BAHCC1: variants seen among roughly 807,000 people sequenced by gnomAD.
The protein encoded by BAHCC1 is BAH and coiled-coil domain-containing protein 1.
A neutral mutation model predicts 88.2 loss-of-function variants in BAHCC1; 43 were observed. The observed-to-expected ratio is 0.49, with a 90% CI of 0.38 to 0.63. The LOEUF (loss-of-function observed/expected upper bound fraction) is 0.63. BAHCC1 is among the 20% of genes least tolerant of loss of function. The probability of loss-of-function intolerance (pLI) is 0.00; values close to 1 mark genes in which losing one functional copy is unlikely to be tolerated. For missense variants in BAHCC1, 3,023 were observed against 1,654.8 expected, an observed-to-expected ratio of 1.83 and a Z score of -14.34; for synonymous variants, 1,510 against 745.5, an observed-to-expected ratio of 2.03 and a Z score of -16.71.
chr17:81,417,270 G>T lies in BAHCC1; in HGVS notation c.179-9530G>T, dbSNP rs868911288. 2.4e-4 allele frequency among the ~76,000 whole-genome samples: 37 copies of T among 152,280 alleles called. No individual in the cohort carries two copies. In the Middle Eastern group the frequency reaches 0.014, roughly 56 times the overall value. On this transcript the variant is annotated intron_variant, in intron 2 of 27. Coordinates refer to ENST00000675386, the MANE Select transcript of BAHCC1 (RefSeq NM_001377448.1). Reference sequence around the variant, plus strand: ...GAGGAGACTCATCCAGCTGCGGGGGGCGGCGCCGAGGGAGTGGCGCTGACC... The same window carrying T: ...GAGGAGACTCATCCAGCTGCGGGGGTCGGCGCCGAGGGAGTGGCGCTGACC...
In BAHCC1 at chr17:81,461,486, G is replaced by T; in HGVS notation, c.6823G>T (p.Ala2275Ser). ...LPMGLALRKY[A>S]GQAEFPLPYD... ...CATGGGGCTGGCGCTGCGCAAGTAC[G>T]CGGGCCAGGCAGAGTTCCCGCTGCC... Residue 2275 changes from alanine to serine, a missense_variant, in exon 26 of 28, where the codon GCG becomes TCG. Coordinates refer to ENST00000675386, the MANE Select transcript of BAHCC1 (RefSeq NM_001377448.1). 2.7e-6 allele frequency: 2 copies of T among 743,878 alleles called. No homozygotes were observed. Among genetic ancestry groups the T allele is most frequent in the South Asian group, 2.8e-5 (2 of 70,182 alleles). The allele number at this position is 743,878 out of a possible 1,614,324, so 46.1% of individuals were successfully genotyped here. A position where few individuals can be genotyped will look rare whatever the true frequency, so the allele number is the denominator to read the frequency against.
chr17:81,461,587 C>T lies in BAHCC1; in HGVS notation c.6924C>T (p.Ser2308=), dbSNP rs1053987050. Residue 2308 remains serine, a synonymous_variant, in exon 26 of 28, where the codon TCC becomes TCT. Coordinates refer to ENST00000675386, the MANE Select transcript of BAHCC1 (RefSeq NM_001377448.1). ...DGPGLAAGVP[S]RFLARLSVSS... ...CGGGGCTGGCGGCCGGCGTGCCCTC[C>T]CGCTTCCTCGCCCGCCTGTCCGTGT... 2.8e-6 allele frequency: 2 copies of T among 720,924 alleles called. No individual in the cohort carries two copies. Among genetic ancestry groups the T allele is most frequent in the African/African-American group, 3.5e-5 (2 of 57,478 alleles). 44.7% of individuals were successfully genotyped at this position (720,924 alleles called of 1,614,324 possible).
chr17:81,433,315 G>A (rs2064291220), intron 3 of BAHCC1, among the ~76,000 whole-genome samples: 2 of 152,206 alleles, frequency 1.3e-5, no homozygotes, highest in South Asian at 4.1e-4. Flanking sequence ...GTGGGAGCAG[G>A]GGTGTATGGC....
chr17:81,395,694 A>C (rs1555644783), intron 1 of BAHCC1, 59 bp downstream of exon 1: 1 of 148,814 alleles, frequency 6.7e-6, no homozygotes, highest in East Asian at 2.0e-4. Flanking sequence ...TTATTATTTT[A>C]TTTTTTATTC....
In BAHCC1 at chr17:81,406,532, C is replaced by T. The variant is rs989056308; in HGVS notation, c.178+6615C>T. 7.2e-5 allele frequency among the ~76,000 whole-genome samples: 11 copies of T among 152,266 alleles called. 1 individual carries two copies. The highest frequency in any genetic ancestry group is 1.2e-4 in the Non-Finnish European group (8 of 68,050). The stretch of plus-strand genomic sequence containing the variant: ...AAAATCACCCGCAGCCCAGGCCCTT[C>T]TGCAAAGGATGGGGCCTGGAAGGGC... On this transcript the variant is annotated intron_variant, in intron 2 of 27. Coordinates refer to ENST00000675386, the MANE Select transcript of BAHCC1 (RefSeq NM_001377448.1).
rs782733557 is a variant in BAHCC1, at chr17:81,447,145, G to A, written c.3273G>A (p.Pro1091=). The A allele has an allele frequency of 1.7e-5, 13 of 778,116 alleles. No individual in the cohort carries two copies. Among genetic ancestry groups the A allele is most frequent in the East Asian group, 4.8e-5 (2 of 41,250 alleles). The allele number at this position is 778,116 out of a possible 1,614,324, so 48.2% of individuals were successfully genotyped here. The change falls in exon 11 of 28, where the codon CCG becomes CCA. Residue 1091 remains proline (P), a synonymous_variant. Transcript: ENST00000675386. ...EDPETMQTTA[P]GAQPEPTRTF... is the part of the protein sequence containing the mutation. ...CTGAAACTATGCAAACCACCGCCCC[G>A]GGGGCCCAGCCTGAGCCCACAAGGA...
chr17:81,444,865 G>A, intron 8 of BAHCC1, 39 bp downstream of exon 8: 1 of 747,822 alleles, frequency 1.3e-6, no homozygotes, highest in Non-Finnish European at 2.5e-6. Context: ...CTTGGGGGGT[G>A]CTGTTGGAAG....
At chr17:81,413,183 T>C (rs1183291031) in intron 2 of BAHCC1, 2 of 416,684 alleles carry the variant, frequency 4.8e-6, no homozygotes, top group African/African-American at 4.2e-5. Context: ...ACCCCACCCG[T>C]GGCTGTGGCT....
At chr17:81,455,220 G>A (rs2064724947) in intron 14 of BAHCC1, 47 bp from the exon 15 acceptor site, 1 of 701,622 alleles carries the variant, frequency 1.4e-6, no homozygotes, top group Non-Finnish European at 2.6e-6. Context: ...CAAGGCTGGG[G>A]CGGCCGGGCC....
In BAHCC1 at chr17:81,444,786, G is replaced by T. The variant is rs782282750; in HGVS notation, c.2631G>T (p.Leu877=). 1.3e-6 allele frequency: 1 copy of T among 778,552 alleles called. No individual in the cohort carries two copies. The highest frequency in any genetic ancestry group is 2.4e-5 in the East Asian group (1 of 41,222). 48.2% of individuals were successfully genotyped at this position (778,552 alleles called of 1,614,324 possible). A position where few individuals can be genotyped will look rare whatever the true frequency, so the allele number is the denominator to read the frequency against. ...PQDAPTQLVI[L]PSEPTPHSAP... ...ACGCCCCCACACAGCTGGTCATCCT[G>T]CCCTCAGAGCCCACACCCCACAGCG... The change falls in exon 8 of 28, where the codon CTG becomes CTT. Residue 877 remains leucine, a synonymous_variant. Transcript: ENST00000675386.
rs569325179 is a variant in BAHCC1 at position 81,411,600 on chromosome 17, C to T, written c.178+11683C>T. 16 of 439,324 alleles carry T rather than the reference C, an allele frequency of 3.6e-5. No homozygotes were observed. In the East Asian group the frequency reaches 4.4e-4, roughly 12 times the overall value. The allele number at this position is 439,324 out of a possible 1,614,324, so 27.2% of individuals were successfully genotyped here. On this transcript the variant is annotated intron_variant, in intron 2 of 27. Coordinates refer to ENST00000675386, the MANE Select transcript of BAHCC1 (RefSeq NM_001377448.1). This position sits in a 1 kb window ranked among gnomAD's most constrained non-coding sequence, Gnocchi z 6.2. The stretch of plus-strand genomic sequence containing the variant: ...GAGAGGCCTCTCTACCCAGCACCCA[C>T]GAAGACGGGTGAGCTGCTGGCCACC...
chr17:81,425,481 A>G (rs1324989143), intron 2 of BAHCC1, among the ~76,000 whole-genome samples: 62 of 23,516 alleles, frequency 2.6e-3, no homozygotes, highest in African/African-American at 0.015. Context: ...GGTTGGTGTG[A>G]TGTGGTTGGT....
intron 2 of BAHCC1, among the ~76,000 whole-genome samples, chr17:81,419,029 A>ATTGCAG (rs2143336709): frequency 6.6e-6 from 1 of 152,114 alleles, no homozygotes; most frequent in East Asian, 1.9e-4. Context: ...TCGAGTCTGG[A>ATTGCAG]CCACTAGTGA....
rs374259093 is a variant in BAHCC1 at position 81,461,060 on chromosome 17, C to T, written c.6397C>T (p.Arg2133Trp). Reference sequence around the variant, plus strand: ...GCTCAACGGCAGCAGCAAGAAGCTGCGGGCCCGCGAGGCCCTGTTCCCCGT... The same window carrying T: ...GCTCAACGGCAGCAGCAAGAAGCTGTGGGCCCGCGAGGCCCTGTTCCCCGT... ...FQLNGSSKKL[R>W]AREALFPVHS... The change falls in exon 26 of 28, where the codon CGG (arginine) becomes TGG (tryptophan). Residue 2133 changes from arginine (R) to tryptophan (W), a missense_variant. Physicochemically the swap from Arg to Trp is moderately radical, Grantham distance 101 (BLOSUM62 -3). Coordinates refer to ENST00000675386, the MANE Select transcript of BAHCC1 (RefSeq NM_001377448.1). 2.2e-5 allele frequency: 17 copies of T among 770,632 alleles called. No homozygotes were observed. The highest frequency in any genetic ancestry group is 2.0e-4 in the African/African-American group (12 of 59,066). The allele number at this position is 770,632 out of a possible 1,614,324, so 47.7% of individuals were successfully genotyped here.
In BAHCC1 at chr17:81,463,961, A is replaced by G. The variant is rs1482507694; in HGVS notation, c.*144A>G. ...TGCAAAAGCCCACAGGGCAAGACCC[A>G]GGCTTTCTTACGGTTTTCCCTGGAA... On this transcript the variant is annotated 3_prime_UTR_variant, in exon 28 of 28. Transcript: ENST00000675386. The G allele has an allele frequency of 1.6e-6, 1 of 619,942 alleles. No homozygotes were observed. The highest frequency in any genetic ancestry group is 2.7e-5 in the East Asian group (1 of 36,518). 38.4% of individuals were successfully genotyped at this position (619,942 alleles called of 1,614,324 possible).
At position 81,411,522 on chromosome 17, in the gene BAHCC1, T is replaced by TGCTG; in HGVS notation, c.178+11605_178+11606insGCTG. On this transcript the variant is annotated intron_variant, in intron 2 of 27. Transcript: ENST00000675386. The surrounding 1 kb of genome is among the most constrained non-coding windows in gnomAD (Gnocchi z 6.2). ...TGCCTGCCTGCCTGCCTGCCTTCCTTCCTTCCTTCCTTCCTTCCTTCCTTC... is the reference window on the plus strand; with the variant it reads ...TGCCTGCCTGCCTGCCTGCCTTCCTTGCTGCCTTCCTTCCTTCCTTCCTTCCTTC... 8.4e-6 allele frequency: 1 copy of TGCTG among 119,032 alleles called. No homozygotes were observed. The highest frequency in any genetic ancestry group is 1.6e-5 in the Non-Finnish European group (1 of 61,804). 7.4% of individuals were successfully genotyped at this position (119,032 alleles called of 1,614,324 possible). A position where few individuals can be genotyped will look rare whatever the true frequency, so the allele number is the denominator to read the frequency against.
intron 1 of BAHCC1, among the ~76,000 whole-genome samples, chr17:81,398,336 CGTTGGGTGG>C (rs1387170194): frequency 6.6e-6 from 1 of 152,144 alleles, no homozygotes; most frequent in Admixed American, 6.5e-5. Context: ...GGATGCTCCG[CGTTGGGTGG>C]GGGTGGAAGA....
intron 2 of BAHCC1, among the ~76,000 whole-genome samples, chr17:81,412,152 G>A (rs188330093): frequency 1.4e-4 from 22 of 152,314 alleles, no homozygotes; most frequent in African/African-American, 4.3e-4. Context: ...CCGGATCTCC[G>A]TAGTGGGACA....
intron 5 of BAHCC1, 26 bp from the exon 6 acceptor site, chr17:81,443,783 C>G (rs2064469712): frequency 1.4e-6 from 1 of 706,634 alleles, no homozygotes; most frequent in Middle Eastern, 2.3e-4. Context: ...CAACCCTCTC[C>G]CGTCTGCTGT....
Sources: gnomAD v4.1 joint callset for allele counts (sites outside exome capture counted in the v4.1 genomes callset) on GRCh38, gnomAD v4.1.1 for gene constraint, Gnocchi (gnomAD v3.1) non-coding constraint, MANE v1.5 for transcripts, NCBI Gene and HGNC (gene_info 2026-07-23, HGNC 2026-07-21) for gene names.